The following TMPRSS13 variants were observed in gnomAD, a reference collection of about 807,000 sequenced individuals.
TMPRSS13 encodes the protein transmembrane protease serine 13.
TMPRSS13 carries 50 observed loss-of-function variants against 68.4 expected under a neutral mutation model. The observed-to-expected ratio is 0.73, with a 90% CI of 0.58 to 0.93. The LOEUF (loss-of-function observed/expected upper bound fraction) is 0.93, where lower values mean the gene tolerates loss of function less well. TMPRSS13 is among the 40% of genes least tolerant of loss of function. The probability of loss-of-function intolerance (pLI) is 0.00; values close to 1 mark genes in which losing one functional copy is unlikely to be tolerated. For synonymous variants in TMPRSS13, 267 were observed against 285.8 expected (o/e 0.93, Z 0.66); for missense variants, 615 against 729.2 (o/e 0.84, Z 1.80).
chr11:117,923,014 G>A lies in TMPRSS13; in HGVS notation c.22-4176C>T, dbSNP rs1037809823. On this transcript the variant is annotated intron_variant, in intron 1 of 12. Coordinates refer to ENST00000524993, the MANE Select transcript of TMPRSS13 (RefSeq NM_001077263.3). Reference sequence around the variant, plus strand: ...GGGCAGGAAGGCAGGGCAGGGGTCCGCAGGAAAGCGGTAAGGGACAAGCCA... The same window carrying A: ...GGGCAGGAAGGCAGGGCAGGGGTCCACAGGAAAGCGGTAAGGGACAAGCCA... Among the ~76,000 whole-genome samples the A allele has an allele frequency of 3.3e-5, 5 of 152,224 alleles. No homozygotes were observed. In the East Asian group the frequency reaches 5.8e-4, roughly 18 times the overall value.
At chr11:117,925,418 T>C (rs1021197411) in intron 1 of TMPRSS13, among the ~76,000 whole-genome samples, 1 of 152,064 alleles carries the variant, frequency 6.6e-6, no homozygotes, top group Non-Finnish European at 1.5e-5. Flanking sequence ...CATTCATTCA[T>C]TCATTTATCA....
At position 117,917,408 on chromosome 11, in the gene TMPRSS13, T is replaced by G. The variant is rs905336316; in HGVS notation, c.452-134A>C. 3 of 638,016 alleles carry G rather than the reference T, an allele frequency of 4.7e-6. No individual in the cohort carries two copies. In the African/African-American group the frequency reaches 5.5e-5, roughly 12 times the overall value. 39.5% of individuals were successfully genotyped at this position (638,016 alleles called of 1,614,324 possible). ...TCCACCCCAGAAGTTGGAATGAGAT[T>G]TTATGGGGCTCAAAGTCAATTGAAT... is the stretch of plus-strand genomic sequence containing the variant. On this transcript the variant is annotated intron_variant, in intron 2 of 12. Transcript: ENST00000524993.
At position 117,928,253 on chromosome 11, in the gene TMPRSS13, G is replaced by T. The variant is rs2057725766; in HGVS notation, c.21+1034C>A. Among the ~76,000 whole-genome samples the T allele has an allele frequency of 2.0e-5, 3 of 152,214 alleles. No homozygotes were observed. The South Asian group carries it at 6.2e-4, about 32-fold the overall frequency. ...CAAGGCCTAGGGCCAAGTGACTTTG[G>T]TGAGGTAGAGACATGAACGAAGGAG... On this transcript the variant is annotated intron_variant, in intron 1 of 12. Coordinates refer to ENST00000524993, the MANE Select transcript of TMPRSS13 (RefSeq NM_001077263.3).
intron 1 of TMPRSS13, among the ~76,000 whole-genome samples, chr11:117,919,284 T>C (rs1330890544): frequency 2.0e-5 from 3 of 152,222 alleles, no homozygotes; most frequent in Non-Finnish European, 4.4e-5. Context: ...TTTTCTTTCA[T>C]GTATGTGTGT....
chr11:117,922,864 G>A lies in TMPRSS13; in HGVS notation c.22-4026C>T, dbSNP rs1565354396. 6.6e-6 allele frequency among the ~76,000 whole-genome samples: 1 copy of A among 152,158 alleles called. No homozygotes were observed. The highest frequency in any genetic ancestry group is 2.1e-4 in the South Asian group (1 of 4,830). On this transcript the variant is annotated intron_variant, in intron 1 of 12. Coordinates refer to ENST00000524993, the MANE Select transcript of TMPRSS13 (RefSeq NM_001077263.3). This position sits in a 1 kb window ranked among gnomAD's most constrained non-coding sequence, Gnocchi z 4.2. ...GGTTACCCCCTGCAGTAACACAATT[G>A]TAAGCCCTTACCATGACATGGAACA... is the stretch of plus-strand genomic sequence containing the variant.
chr11:117,904,273 C>A (rs2057440707), intron 10 of TMPRSS13, among the ~76,000 whole-genome samples, 172 bp from the exon 11 acceptor site: 1 of 152,172 alleles, frequency 6.6e-6, no homozygotes, highest in Admixed American at 6.5e-5. Flanking sequence ...TGGTTGGACA[C>A]CCAGGACATA....
chr11:117,917,780 TCCAGG>T (rs2057593532), intron 2 of TMPRSS13, among the ~76,000 whole-genome samples: 1 of 152,086 alleles, frequency 6.6e-6, no homozygotes, highest in African/African-American at 2.4e-5. Flanking sequence ...CCACGTATCA[TCCAGG>T]CCTGTGTGTA....
rs192655659 is a variant in TMPRSS13, at chr11:117,905,523, C to T, written c.1381+115G>A. On this transcript the variant is annotated intron_variant, in intron 10 of 12. Coordinates refer to ENST00000524993, the MANE Select transcript of TMPRSS13 (RefSeq NM_001077263.3). ...AGGCCCATGAATCCGTATACCCAAA[C>T]GCTCATCGACATAGGCCTTCATCTG... 5.8e-4 allele frequency: 475 copies of T among 818,660 alleles called. 1 individual carries two copies. The highest frequency in any genetic ancestry group is 8.1e-4 in the Non-Finnish European group (422 of 523,584). The allele number at this position is 818,660 out of a possible 1,614,324, so 50.7% of individuals were successfully genotyped here.
intron 5 of TMPRSS13, among the ~76,000 whole-genome samples, chr11:117,912,921 A>G (rs117461386): frequency 0.011 from 1,610 of 152,330 alleles, 17 homozygotes; most frequent in South Asian, 0.016. Context: ...TCAGGCTTGC[A>G]TAAGGCCACA....
intron 1 of TMPRSS13, among the ~76,000 whole-genome samples, chr11:117,920,033 T>G (rs1281796941): frequency 6.6e-6 from 1 of 152,188 alleles, no homozygotes; most frequent in Non-Finnish European, 1.5e-5. Context: ...CTTTCCAGTG[T>G]GACCCATAGT....
rs1010161404 is a variant in TMPRSS13 at position 117,922,117 on chromosome 11, C to T, written c.22-3279G>A. On this transcript the variant is annotated intron_variant, in intron 1 of 12. Transcript: ENST00000524993. This position sits in a 1 kb window ranked among gnomAD's most constrained non-coding sequence, Gnocchi z 4.2. ...TTATAGCACTAACTCATTTCTTTTCCCCAATTCTTGGAGAACAACTGCTGA... is the reference window on the plus strand; with the variant it reads ...TTATAGCACTAACTCATTTCTTTTCTCCAATTCTTGGAGAACAACTGCTGA... 6.6e-6 allele frequency among the ~76,000 whole-genome samples: 1 copy of T among 152,182 alleles called. No homozygotes were observed. Among genetic ancestry groups the T allele is most frequent in the Non-Finnish European group, 1.5e-5 (1 of 68,032 alleles).
chr11:117,928,502 C>A (rs1014466757), intron 1 of TMPRSS13, among the ~76,000 whole-genome samples: 1 of 152,072 alleles, frequency 6.6e-6, no homozygotes, highest in Non-Finnish European at 1.5e-5. Context: ...CGGTAAGGTA[C>A]AGAGAATTTG....
rs955190612 is a variant in TMPRSS13, at chr11:117,904,092, G to C, written c.1391C>G (p.Ser464Cys). ...GACCTGCACCTCCCGGAGGAAGGGG[G>C]ATGTCTTGTCTTCAGTGAAGTGGGG... ...GKTRETDDKT[S>C]PFLREVQVNL... The change falls in exon 11 of 13, where the codon TCC becomes TGC. Residue 464 changes from serine to cysteine, a missense_variant. Transcript: ENST00000524993. 5 of 1,613,838 alleles carry C rather than the reference G, an allele frequency of 3.1e-6. No individual in the cohort carries two copies. The African/African-American group carries it at 6.7e-5, about 22-fold the overall frequency.
At chr11:117,908,830 G>T in intron 8 of TMPRSS13, 46 bp from the exon 9 acceptor site, 13 of 1,521,416 alleles carry the variant, frequency 8.5e-6, no homozygotes, top group South Asian at 2.5e-5. Flanking sequence ...GCCTGGCAGC[G>T]TTCACTGGCA....
rs2057553495 is a variant in TMPRSS13 at position 117,914,362 on chromosome 11, C to T, written c.679+30G>A. The T allele has an allele frequency of 2.5e-6, 4 of 1,611,290 alleles. No homozygotes were observed. Among genetic ancestry groups the T allele is most frequent in the Non-Finnish European group, 3.4e-6 (4 of 1,179,720 alleles). On this transcript the variant is annotated intron_variant, in intron 4 of 12. Coordinates refer to ENST00000524993, the MANE Select transcript of TMPRSS13 (RefSeq NM_001077263.3). The surrounding 1 kb of genome is among the most constrained non-coding windows in gnomAD (Gnocchi z 4.2). ...ACACAAACACATGCACATGCACACG[C>T]ACGCGCTCCCCCGCACCCAGCCTCC...
At chr11:117,923,095 T>C (rs2057663679) in intron 1 of TMPRSS13, among the ~76,000 whole-genome samples, 1 of 152,162 alleles carries the variant, frequency 6.6e-6, no homozygotes, top group Non-Finnish European at 1.5e-5. Context: ...AGCCTGTCCC[T>C]GGACAGAAGT....
At chr11:117,908,067 T>G (rs892342800) in intron 9 of TMPRSS13, 9 of 1,017,834 alleles carry the variant, frequency 8.8e-6, no homozygotes, top group Non-Finnish European at 1.1e-5. Flanking sequence ...GACTGCAGGG[T>G]AAGCAATTTG....
chr11:117,923,348 G>A (rs1361362803), intron 1 of TMPRSS13, among the ~76,000 whole-genome samples: 2 of 152,068 alleles, frequency 1.3e-5, no homozygotes. Context: ...ACCTGGTGGG[G>A]ATGGTAGTAA....
In TMPRSS13 at chr11:117,911,901, A is replaced by G. The variant is rs780533496; in HGVS notation, c.810-41T>C. On this transcript the variant is annotated intron_variant, in intron 5 of 12. Coordinates refer to ENST00000524993, the MANE Select transcript of TMPRSS13 (RefSeq NM_001077263.3). ...GGGGAGAAGAATGAGCCCCCTGGAGACAGAGTCATCCCAAGTCCTCCAGCA... is the reference window on the plus strand; with the variant it reads ...GGGGAGAAGAATGAGCCCCCTGGAGGCAGAGTCATCCCAAGTCCTCCAGCA... The G allele has an allele frequency of 1.4e-5, 22 of 1,553,808 alleles. No homozygotes were observed. The East Asian group carries it at 4.7e-4, about 33-fold the overall frequency.
Sources: gnomAD v4.1 joint callset for allele counts (sites outside exome capture counted in the v4.1 genomes callset) on GRCh38, gnomAD v4.1.1 for gene constraint, Gnocchi (gnomAD v3.1) non-coding constraint, MANE v1.5 for transcripts, NCBI Gene and HGNC (gene_info 2026-07-23, HGNC 2026-07-21) for gene names.